SDCBP: variants seen among roughly 807,000 people sequenced by gnomAD.
SDCBP encodes syntenin-1.
A neutral mutation model predicts 30.5 loss-of-function variants in SDCBP; 22 were observed. The observed-to-expected ratio is 0.72, with a 90% confidence interval of 0.52 to 1.03. The LOEUF (loss-of-function observed/expected upper bound fraction) is 1.03. SDCBP is among the 50% of genes least tolerant of loss of function. The probability of loss-of-function intolerance (pLI) is 0.00; values close to 1 mark genes in which losing one functional copy is unlikely to be tolerated. For missense variants in SDCBP, 304 were observed against 369.9 expected (o/e 0.82, Z 1.46); for synonymous variants, 103 against 118.7 (o/e 0.87, Z 0.86).
intron 5 of SDCBP, among the ~76,000 whole-genome samples, chr8:58,577,710 C>T (rs1805421596): frequency 1.3e-5 from 2 of 152,066 alleles, no homozygotes. Flanking sequence ...TTAAAGTTGT[C>T]CTACTGTATT....
chr8:58,559,706 C>G (rs1203936304), intron 1 of SDCBP, among the ~76,000 whole-genome samples: 1 of 152,120 alleles, frequency 6.6e-6, no homozygotes, highest in Admixed American at 6.5e-5. Flanking sequence ...CAATAGAAAG[C>G]TCATATGCTT....
intron 8 of SDCBP, among the ~76,000 whole-genome samples, 159 bp from the exon 9 acceptor site, chr8:58,581,527 G>T (rs1461950552): frequency 6.6e-6 from 1 of 152,044 alleles, no homozygotes; most frequent in Non-Finnish European, 1.5e-5. Context: ...GATTACCAGA[G>T]ATGCTTCTGG....
rs1409818948 is a variant in SDCBP, at chr8:58,582,038, G to T, written c.*298G>T. On this transcript the variant is annotated 3_prime_UTR_variant, in exon 9 of 9. Transcript: ENST00000260130. ...TTTTATAAGCCATTGTGATTAGGATGACTGTTACAGGCTTAGCTTTGTGTG... is the reference window on the plus strand; with the variant it reads ...TTTTATAAGCCATTGTGATTAGGATTACTGTTACAGGCTTAGCTTTGTGTG... 5.4e-6 allele frequency: 2 copies of T among 368,826 alleles called. No homozygotes were observed. Among genetic ancestry groups the T allele is most frequent in the African/African-American group, 2.1e-5 (1 of 47,594 alleles). 22.8% of individuals were successfully genotyped at this position (368,826 alleles called of 1,614,324 possible).
At chr8:58,553,724 G>A (rs929903919) in intron 1 of SDCBP, among the ~76,000 whole-genome samples, 84 of 152,348 alleles carry the variant, frequency 5.5e-4, no homozygotes, top group African/African-American at 1.9e-3. Flanking sequence ...CTCTGGCCAC[G>A]GTTCCTCCCA....
intron 4 of SDCBP, among the ~76,000 whole-genome samples, chr8:58,573,507 C>G (rs1805151896): frequency 6.6e-6 from 1 of 152,100 alleles, no homozygotes; most frequent in Admixed American, 6.5e-5. Flanking sequence ...GTTAGCAGAA[C>G]CTAGAAGCTT....
intron 6 of SDCBP, among the ~76,000 whole-genome samples, chr8:58,578,572 C>A (rs1805481031): frequency 6.6e-6 from 1 of 152,170 alleles, no homozygotes. Context: ...CCCATGCAGA[C>A]TTCCAAGTAG....
At position 58,556,991 on chromosome 8, in the gene SDCBP, T is replaced by C. The variant is rs1409429129; in HGVS notation, c.-16+3688T>C. Among the ~76,000 whole-genome samples, 3 of 138,702 alleles carry C rather than the reference T, an allele frequency of 2.2e-5. No individual in the cohort carries two copies. In the South Asian group the frequency reaches 6.4e-4, roughly 30 times the overall value. The allele number at this position is 138,702 out of a possible 152,430, so 91.0% of individuals were successfully genotyped here. A position where few individuals can be genotyped will look rare whatever the true frequency, so the allele number is the denominator to read the frequency against. ...ATTATATATAACATAATATATATTGTATATCATACTATTATACTATATCTT... is the reference window on the plus strand; with the variant it reads ...ATTATATATAACATAATATATATTGCATATCATACTATTATACTATATCTT... On this transcript the variant is annotated intron_variant, in intron 1 of 8. Coordinates refer to ENST00000260130, the MANE Select transcript of SDCBP (RefSeq NM_005625.4).
At chr8:58,570,504 T>C (rs1394178121) in intron 2 of SDCBP, among the ~76,000 whole-genome samples, 1 of 152,126 alleles carries the variant, frequency 6.6e-6, no homozygotes, top group Non-Finnish European at 1.5e-5. Flanking sequence ...GGGTAAGGTT[T>C]TTTCTTATGC....
At chr8:58,567,974 G>A (rs1307940794) in intron 2 of SDCBP, among the ~76,000 whole-genome samples, 1 of 152,188 alleles carries the variant, frequency 6.6e-6, no homozygotes. Context: ...AAGTCAGTGA[G>A]TGAGCGGTGA....
chr8:58,567,239 A>G (rs1804749308), intron 2 of SDCBP, among the ~76,000 whole-genome samples: 1 of 152,196 alleles, frequency 6.6e-6, no homozygotes, highest in Non-Finnish European at 1.5e-5. Flanking sequence ...TTTTTACTGC[A>G]AATAACATAA....
intron 5 of SDCBP, chr8:58,576,478 G>A (rs1805327630): frequency 6.6e-6 from 1 of 152,318 alleles, no homozygotes; most frequent in Non-Finnish European, 1.4e-5. Context: ...GCAGTGGTGT[G>A]ATCTTGACTC....
intron 5 of SDCBP, 184 bp downstream of exon 5, chr8:58,576,245 G>T: frequency 1.9e-6 from 1 of 539,528 alleles, no homozygotes; most frequent in Non-Finnish European, 3.3e-6. Flanking sequence ...GGCATAGTTG[G>T]GACTTCTGAC....
At chr8:58,557,369 T>C (rs1265086595) in intron 1 of SDCBP, among the ~76,000 whole-genome samples, 1 of 133,790 alleles carries the variant, frequency 7.5e-6, no homozygotes, top group Non-Finnish European at 1.5e-5. Context: ...TATAAAAATA[T>C]ATAAATATAA....
intron 5 of SDCBP, among the ~76,000 whole-genome samples, chr8:58,576,558 G>C (rs1261867045): frequency 6.6e-6 from 1 of 151,764 alleles, no homozygotes; most frequent in Non-Finnish European, 1.5e-5. Context: ...CTGGTGAGAT[G>C]GTTTTTGCAG....
rs761516720 is a variant in SDCBP, at chr8:58,575,969, C to T, written c.310C>T (p.Arg104Cys). Residue 104 changes from arginine to cysteine, a missense_variant, in exon 5 of 9, where the codon CGT (arginine) becomes TGT (cysteine). Arg to Cys is a radical substitution (Grantham distance 180). Transcript: ENST00000260130. ...TGTAACTGGTAATGATGTTGGAATT[C>T]GTAGAGCAGAAATTAAGCAAGGGAT... is the stretch of plus-strand genomic sequence containing the variant. ...APVTGNDVGI[R>C]RAEIKQGIRE... 1.4e-5 allele frequency: 23 copies of T among 1,612,772 alleles called. No individual in the cohort carries two copies. The highest frequency in any genetic ancestry group is 2.7e-5 in the African/African-American group (2 of 74,772).
chr8:58,571,128 C>G (rs1335085690), intron 3 of SDCBP, among the ~76,000 whole-genome samples, 163 bp downstream of exon 3: 4 of 151,982 alleles, frequency 2.6e-5, no homozygotes, highest in African/African-American at 9.7e-5. Flanking sequence ...AAAAAATAAC[C>G]CTTTTTCTAA....
Position 58,579,738 on chromosome 8 carries a change from CTT to C in SDCBP, c.695_696del (p.Leu232ProfsTer5), listed in dbSNP as rs1219012797. Reference sequence around the variant, plus strand: ...AGATAGCTCTGCAGCCAGAAATGGTCTTCTCACGGAACATAACATCTGTGAAA... The same window carrying C: ...AGATAGCTCTGCAGCCAGAAATGGTCCTCACGGAACATAACATCTGTGAAA... ...VKDSSAARNGLLTEHNICEIN... is the reference protein window; with the variant it reads ...VKDSSAARNGXLTEHNICEIN... On this transcript the variant is annotated frameshift_variant, in exon 7 of 9. Coordinates refer to ENST00000260130, the MANE Select transcript of SDCBP (RefSeq NM_005625.4). LOFTEE classifies it high-confidence loss of function. 3.1e-6 allele frequency: 5 copies of C among 1,612,724 alleles called. No individual in the cohort carries two copies. The highest frequency in any genetic ancestry group is 4.2e-6 in the Non-Finnish European group (5 of 1,179,442).
intron 1 of SDCBP, chr8:58,561,416 A>C (rs1045591357): frequency 1.1e-5 from 2 of 177,802 alleles, no homozygotes; most frequent in African/African-American, 4.7e-5. Flanking sequence ...AGACATCTAC[A>C]TGGAAACACA....
intron 4 of SDCBP, 33 bp downstream of exon 4, chr8:58,572,347 A>C: frequency 3.0e-6 from 4 of 1,342,722 alleles, no homozygotes; most frequent in Non-Finnish European, 4.3e-6. Context: ...TGATTTATAT[A>C]AAATCATACT....
Sources: gnomAD v4.1 joint callset for allele counts (sites outside exome capture counted in the v4.1 genomes callset) on GRCh38, gnomAD v4.1.1 for gene constraint, MANE v1.5 for transcripts, NCBI Gene and HGNC (gene_info 2026-07-23, HGNC 2026-07-21) for gene names.